Variants in ERI1 observed in about 807,000 individuals in gnomAD.
ERI1 encodes 3'-5' exoribonuclease 1.
In ERI1, 39 loss-of-function variants were observed where a neutral mutation model predicts 39.7. That is an observed-to-expected ratio of 0.98 (90% confidence interval 0.76 to 1.28). The LOEUF (loss-of-function observed/expected upper bound fraction) is 1.28. Among genes scored for constraint, ERI1 ranks in the 50% most tolerant of loss-of-function variants. The pLI is 0.00. For synonymous variants in ERI1, 204 were observed against 149.6 expected (o/e 1.36, Z -2.65); for missense variants, 581 against 416.9 (o/e 1.39, Z -3.43).
chr8:9,093,734 AT>A (rs910907349), intron 3 of ERI1, among the ~76,000 whole-genome samples: 3 of 151,146 alleles, frequency 2.0e-5, no homozygotes, highest in African/African-American at 4.9e-5. Flanking sequence ...TGCCCAGCTA[AT>A]TTTTTTTTGT....
At chr8:9,079,937 C>T (rs1799319513) in intron 3 of ERI1, among the ~76,000 whole-genome samples, 1 of 149,162 alleles carries the variant, frequency 6.7e-6, no homozygotes, top group Non-Finnish European at 1.5e-5. Context: ...TCCCAAAGTG[C>T]TGTGATTACA....
intron 3 of ERI1, among the ~76,000 whole-genome samples, chr8:9,073,042 G>A (rs1337720311): frequency 1.3e-5 from 2 of 152,182 alleles, no homozygotes; most frequent in African/African-American, 4.8e-5. Context: ...CTGGCCTTCA[G>A]GATTTTTTTA....
At chr8:9,086,050 T>C (rs1799514784) in intron 3 of ERI1, among the ~76,000 whole-genome samples, 1 of 152,188 alleles carries the variant, frequency 6.6e-6, no homozygotes, top group Admixed American at 6.5e-5. Context: ...TATTAGGAAA[T>C]AACTCCCGTC....
chr8:9,078,341 T>G (rs1799270216), intron 3 of ERI1, among the ~76,000 whole-genome samples: 1 of 152,098 alleles, frequency 6.6e-6, no homozygotes, highest in African/African-American at 2.4e-5. Flanking sequence ...TTTTTTTTTT[T>G]TAGCTCATAC....
chr8:9,074,710 C>T (rs1249805360), intron 3 of ERI1, among the ~76,000 whole-genome samples: 3 of 152,246 alleles, frequency 2.0e-5, no homozygotes, highest in African/African-American at 7.2e-5. Context: ...GCTGGGGTTA[C>T]AGGCGTGAGC....
At chr8:9,060,275 G>A (rs979081885) in intron 3 of ERI1, among the ~76,000 whole-genome samples, 8 of 152,142 alleles carry the variant, frequency 5.3e-5, no homozygotes, top group African/African-American at 1.7e-4. Context: ...AGAAATGACC[G>A]CGGTGGCCTT....
rs192517790 is a variant in ERI1, at chr8:9,014,835, T to G, written c.499-1487T>G. 2.2e-3 allele frequency among the ~76,000 whole-genome samples: 331 copies of G among 152,130 alleles called. 3 individuals carry two copies. The highest frequency in any genetic ancestry group is 6.6e-3 in the African/African-American group (274 of 41,502). ...TTTGAAGTTCAATTATTCTTTTGTT[T>G]TGTTTTGTTTTGTTTTTTTTGAGAT... is the stretch of plus-strand genomic sequence containing the variant. On this transcript the variant is annotated intron_variant, in intron 3 of 6. Transcript: ENST00000250263.
chr8:9,087,084 C>T (rs1395636278), intron 3 of ERI1, among the ~76,000 whole-genome samples: 1 of 151,598 alleles, frequency 6.6e-6, no homozygotes. Flanking sequence ...GCAGAATGTG[C>T]AGGTTTGTTA....
chr8:9,071,926 C>T (rs1446154011), intron 3 of ERI1, among the ~76,000 whole-genome samples: 3 of 152,074 alleles, frequency 2.0e-5, no homozygotes, highest in Admixed American at 6.6e-5. Context: ...AATTAGCAAG[C>T]GTGGTGGTGC....
At chr8:9,033,379 T>G (rs1365079262), downstream of ERI1, 5 of 152,238 alleles carry the variant, frequency 3.3e-5, no homozygotes, top group East Asian at 1.9e-4. Flanking sequence ...CTGACCACTT[T>G]TGTGCTACAA....
intron 6 of ERI1, among the ~76,000 whole-genome samples, chr8:9,022,502 C>T (rs1038433429): frequency 6.6e-6 from 1 of 152,130 alleles, no homozygotes; most frequent in African/African-American, 2.4e-5. Context: ...TGGGTTCAAG[C>T]AGTTCTCCTG....
At chr8:9,093,371 C>T (rs898625228) in intron 3 of ERI1, among the ~76,000 whole-genome samples, 1 of 152,136 alleles carries the variant, frequency 6.6e-6, no homozygotes, top group Non-Finnish European at 1.5e-5. Flanking sequence ...GAAACACAGT[C>T]GCCTTCTGAA....
At chr8:9,019,242 G>A (rs752923576) in intron 5 of ERI1, among the ~76,000 whole-genome samples, 3 of 152,148 alleles carry the variant, frequency 2.0e-5, no homozygotes, top group East Asian at 1.9e-4. Context: ...TGAAAAGAAC[G>A]TCCTAAACAA....
In ERI1 at chr8:9,031,922, T is replaced by A. The variant is rs570303086; in HGVS notation, c.*1888T>A. On this transcript the variant is annotated 3_prime_UTR_variant, in exon 7 of 7. Transcript: ENST00000250263. The stretch of plus-strand genomic sequence containing the variant: ...ACAGGCGCGTGCCACCACACCCGCC[T>A]AATTTTTGTATTTTTGGTAGAGGCG... 8 of 152,402 alleles carry A rather than the reference T, an allele frequency of 5.2e-5. No homozygotes were observed. The highest frequency in any genetic ancestry group is 1.7e-4 in the African/African-American group (7 of 41,574). The allele number at this position is 152,402 out of a possible 1,614,324, so 9.4% of individuals were successfully genotyped here. A position where few individuals can be genotyped will look rare whatever the true frequency, so the allele number is the denominator to read the frequency against.
intron 3 of ERI1, among the ~76,000 whole-genome samples, chr8:9,083,652 G>C (rs868572985): frequency 6.6e-6 from 1 of 151,872 alleles, no homozygotes; most frequent in Non-Finnish European, 1.5e-5. Context: ...AAAAAAGCGG[G>C]GGGGAAGAAT....
rs1292849340 is a variant in ERI1 at position 9,029,837 on chromosome 8, G to A, written c.853G>A (p.Gly285Arg). 1 of 1,614,146 alleles carries A rather than the reference G, an allele frequency of 6.2e-7. No homozygotes were observed. The change falls in exon 7 of 7, where the codon GGA becomes AGA. Residue 285 changes from glycine to arginine, a missense_variant. Physicochemically the swap from Gly to Arg is moderately radical, Grantham distance 125 (BLOSUM62 -2). Transcript: ENST00000250263. ...TKLTIMLEKL[G>R]MDYDGRPHCG... Reference sequence around the variant, plus strand: ...ACTGACAATAATGCTTGAAAAATTAGGAATGGATTATGATGGGCGGCCTCA... The same window carrying A: ...ACTGACAATAATGCTTGAAAAATTAAGAATGGATTATGATGGGCGGCCTCA...
At chr8:9,090,658 G>T (rs1401085239) in intron 3 of ERI1, among the ~76,000 whole-genome samples, 1 of 152,146 alleles carries the variant, frequency 6.6e-6, no homozygotes, top group Non-Finnish European at 1.5e-5. Flanking sequence ...TCTCTCTGGG[G>T]TCCTCCTCTA....
intron 3 of ERI1, among the ~76,000 whole-genome samples, chr8:9,084,590 A>G (rs1336079119): frequency 6.6e-6 from 1 of 152,186 alleles, no homozygotes; most frequent in Non-Finnish European, 1.5e-5. Context: ...GATTTTGACT[A>G]GGACTCGGGC....
intron 3 of ERI1, among the ~76,000 whole-genome samples, chr8:9,082,954 T>C (rs1280342931): frequency 2.0e-5 from 3 of 152,204 alleles, no homozygotes; most frequent in African/African-American, 7.2e-5. Flanking sequence ...ATATGGAATA[T>C]CTACCTTAGT....
Sources: allele counts gnomAD v4.1 joint callset (sites outside exome capture counted in the v4.1 genomes callset), GRCh38; gene constraint gnomAD v4.1.1; transcripts MANE v1.5; gene names NCBI Gene and HGNC (gene_info 2026-07-23, HGNC 2026-07-21).